The following KLHL4 variants were observed in gnomAD, a reference collection of about 807,000 sequenced individuals.
KLHL4 encodes the protein kelch-like protein 4.
A neutral mutation model predicts 45.8 loss-of-function variants in KLHL4; 17 were observed. The observed-to-expected ratio is 0.37, with a 90% CI of 0.25 to 0.56. KLHL4 has a LOEUF of 0.56. Ranked by LOEUF, KLHL4 falls within the 20% of genes least tolerant of loss-of-function variation. The probability of loss-of-function intolerance (pLI) is 0.79; values close to 1 mark genes in which losing one functional copy is unlikely to be tolerated. For synonymous variants in KLHL4, 224 were observed against 189.9 expected, an observed-to-expected ratio of 1.18 and a Z score of -1.47; for missense variants, 544 against 544.9, an observed-to-expected ratio of 1.00 and a Z score of 0.02.
intron 1 of KLHL4, among the ~76,000 whole-genome samples, chrX:87,607,351 G>A (rs1051811490): frequency 1.8e-5 from 2 of 110,824 alleles, no homozygotes; most frequent in Admixed American, 1.9e-4. Context: ...TCAAGTCTCT[G>A]GTCACTTCCT....
At chrX:87,541,835 T>G (rs1229290795) in intron 1 of KLHL4, among the ~76,000 whole-genome samples, 1 of 111,301 alleles carries the variant, frequency 9.0e-6, no homozygotes, top group Non-Finnish European at 1.9e-5. Flanking sequence ...CAGAAAAAGA[T>G]AGGAAGATGA....
At chrX:87,554,260 C>T (rs1931911084) in intron 1 of KLHL4, among the ~76,000 whole-genome samples, 1 of 86,378 alleles carries the variant, frequency 1.2e-5, no homozygotes, top group Admixed American at 1.5e-4. Flanking sequence ...TGAAGAAAGT[C>T]ATTGGTAGCT....
At chrX:87,587,822 G>T (rs1921531263) in intron 1 of KLHL4, among the ~76,000 whole-genome samples, 1 of 111,056 alleles carries the variant, frequency 9.0e-6, no homozygotes, top group African/African-American at 3.3e-5. Context: ...ACAAGTAAAA[G>T]ATGTAAAGGT....
Position 87,622,202 on chromosome X carries a change from CT to C in KLHL4, c.925-5del. The C allele has an allele frequency of 8.5e-7, 1 of 1,175,229 alleles. No individual in the cohort carries two copies. The highest frequency in any genetic ancestry group is 1.2e-6 in the Non-Finnish European group (1 of 863,879). On this transcript the variant is annotated splice_region_variant and splice_polypyrimidine_tract_variant and intron_variant, in intron 4 of 10. Transcript: ENST00000373119. ...TGCAAAGTTTTAGTAGATGACCTTT[CT>C]TTTCTAGGAACACTTCATTGAGGTA...
chrX:87,576,223 G>C (rs1033176050), intron 1 of KLHL4, among the ~76,000 whole-genome samples: 4 of 111,521 alleles, frequency 3.6e-5, no homozygotes, highest in Non-Finnish European at 7.6e-5. Flanking sequence ...TAGCCAAAAA[G>C]AGAAATAATT....
Position 87,666,856 on chromosome X carries a change from T to G in KLHL4, c.*322T>G. 3 of 762,262 alleles carry G rather than the reference T, an allele frequency of 3.9e-6. No individual in the cohort carries two copies. Among genetic ancestry groups the G allele is most frequent in the Non-Finnish European group, 4.7e-6 (3 of 638,373 alleles). The allele number at this position is 762,262 out of a possible 1,213,427, so 62.8% of individuals were successfully genotyped here. A position where few individuals can be genotyped will look rare whatever the true frequency, so the allele number is the denominator to read the frequency against. On this transcript the variant is annotated 3_prime_UTR_variant, in exon 11 of 11. Coordinates refer to ENST00000373119, the MANE Select transcript of KLHL4 (RefSeq NM_019117.5). ...TTGATGGTGGCCACAGTGTGCAGGT[T>G]ATAAAAGCATTAATACATTTCAAGG...
At chrX:87,647,821 C>T (rs1923687961) in intron 9 of KLHL4, among the ~76,000 whole-genome samples, 1 of 110,964 alleles carries the variant, frequency 9.0e-6, no homozygotes. Context: ...ATTATTCATG[C>T]AACTAAATAC....
At chrX:87,649,788 G>A (rs1221481199) in intron 9 of KLHL4, among the ~76,000 whole-genome samples, 1 of 111,062 alleles carries the variant, frequency 9.0e-6, no homozygotes, top group Non-Finnish European at 1.9e-5. Context: ...CCATTCAGTG[G>A]CCTCAGCACC....
At chrX:87,656,909 C>A (rs181679724) in intron 9 of KLHL4, among the ~76,000 whole-genome samples, 165 of 111,693 alleles carry the variant, frequency 1.5e-3, no homozygotes, top group African/African-American at 4.9e-3. Context: ...TGAATAAGAT[C>A]ATTCAAGATC....
chrX:87,536,193 A>G (rs1030967459), intron 1 of KLHL4, among the ~76,000 whole-genome samples: 1 of 111,567 alleles, frequency 9.0e-6, no homozygotes, highest in Middle Eastern at 4.7e-3. Flanking sequence ...AGAAATAAGG[A>G]CTTAATTTGA....
chrX:87,614,870 A>G (rs1922504967), intron 3 of KLHL4, among the ~76,000 whole-genome samples: 1 of 111,207 alleles, frequency 9.0e-6, no homozygotes, highest in South Asian at 3.7e-4. Context: ...AACATACAGG[A>G]ACAATTCTGG....
At chrX:87,608,467 T>C (rs1350174567) in intron 1 of KLHL4, among the ~76,000 whole-genome samples, 1 of 110,657 alleles carries the variant, frequency 9.0e-6, no homozygotes, top group Non-Finnish European at 1.9e-5. Context: ...GTTTCCCTTC[T>C]GAAGGGCTTT....
chrX:87,635,813 G>T, intron 9 of KLHL4, 38 bp downstream of exon 9: 19 of 992,754 alleles, frequency 1.9e-5, no homozygotes, highest in Admixed American at 3.2e-5. Flanking sequence ...GTAATTATTT[G>T]GTTATTTAAT....
At chrX:87,641,009 A>G (rs1923440484) in intron 9 of KLHL4, among the ~76,000 whole-genome samples, 1 of 112,215 alleles carries the variant, frequency 8.9e-6, no homozygotes, top group Non-Finnish European at 1.9e-5. Flanking sequence ...TTACAAAATT[A>G]ATGTACACAA....
intron 9 of KLHL4, among the ~76,000 whole-genome samples, chrX:87,648,998 A>T (rs1366894218): frequency 8.9e-6 from 1 of 111,878 alleles, no homozygotes; most frequent in Non-Finnish European, 1.9e-5. Flanking sequence ...AGCAATAAAC[A>T]ATCACCTCTT....
intron 6 of KLHL4, among the ~76,000 whole-genome samples, chrX:87,631,140 T>G (rs1171328236): frequency 9.0e-6 from 1 of 111,411 alleles, no homozygotes; most frequent in African/African-American, 3.3e-5. Context: ...ACCAATCTTT[T>G]ATTATGCAGG....
At chrX:87,523,394 T>C (rs909412245) in intron 1 of KLHL4, among the ~76,000 whole-genome samples, 2 of 111,352 alleles carry the variant, frequency 1.8e-5, no homozygotes, top group African/African-American at 6.5e-5. Context: ...AAAACCGAAA[T>C]CAAGGAGGAG....
intron 9 of KLHL4, among the ~76,000 whole-genome samples, chrX:87,649,070 A>G (rs758908625): frequency 1.0e-3 from 116 of 111,820 alleles, no homozygotes; most frequent in Non-Finnish European, 2.0e-3. Context: ...AAATATTTTA[A>G]GTGTACAGTT....
chrX:87,618,922 T>A (rs959602379), intron 4 of KLHL4, among the ~76,000 whole-genome samples: 7 of 112,216 alleles, frequency 6.2e-5, no homozygotes, highest in African/African-American at 1.9e-4. Flanking sequence ...CTATTAACAA[T>A]TAAATCTAAT....
Sources: allele counts gnomAD v4.1 joint callset (sites outside exome capture counted in the v4.1 genomes callset), GRCh38; gene constraint gnomAD v4.1.1; transcripts MANE v1.5; gene names NCBI Gene and HGNC (gene_info 2026-07-23, HGNC 2026-07-21).